ARHGAP20: variants seen among roughly 807,000 people sequenced by gnomAD.
The protein encoded by ARHGAP20 is rho GTPase-activating protein 20.
In ARHGAP20, 34 loss-of-function variants were observed where a neutral mutation model predicts 73.7. That is an observed-to-expected ratio of 0.46 (90% CI 0.35 to 0.61). The LOEUF (loss-of-function observed/expected upper bound fraction) is 0.61, where lower values mean the gene tolerates loss of function less well. Ranked by LOEUF, ARHGAP20 falls within the 20% of genes least tolerant of loss-of-function variation. The pLI, the probability that ARHGAP20 is intolerant of heterozygous loss-of-function variation, is 0.00. For synonymous variants in ARHGAP20, 523 were observed against 518.2 expected (o/e 1.01, Z -0.13); for missense variants, 1,314 against 1,420.9 (o/e 0.92, Z 1.21).
At position 110,591,985 on chromosome 11, in the gene ARHGAP20, G is replaced by T; in HGVS notation, c.1135C>A (p.Pro379Thr). 6.2e-7 allele frequency: 1 copy of T among 1,614,036 alleles called. No individual in the cohort carries two copies. The highest frequency in any genetic ancestry group is 1.1e-5 in the South Asian group (1 of 91,066). Residue 379 changes from proline to threonine, a missense_variant, in exon 10 of 15, where the codon CCT becomes ACT. Transcript: ENST00000683387. ...ACCAAAATGAGCCTTACCAAGACAG[G>T]TTTGGGCAGATTGTCATTCTCACAA... ...NICENDNLPK[P>T]VLDMLFFLNQ...
intron 2 of ARHGAP20, among the ~76,000 whole-genome samples, chr11:110,652,772 G>A (rs1005097052): frequency 1.3e-5 from 2 of 151,980 alleles, no homozygotes; most frequent in Non-Finnish European, 2.9e-5. Flanking sequence ...CCATGCTCAT[G>A]GATAGGAAGA....
intron 2 of ARHGAP20, among the ~76,000 whole-genome samples, chr11:110,681,691 A>G (rs1213075919): frequency 6.6e-6 from 1 of 152,190 alleles, no homozygotes; most frequent in Admixed American, 6.5e-5. Context: ...TTCGTAGAAC[A>G]CAATGGGGGA....
At chr11:110,664,652 C>T (rs925347826) in intron 2 of ARHGAP20, among the ~76,000 whole-genome samples, 10 of 148,804 alleles carry the variant, frequency 6.7e-5, no homozygotes, top group Admixed American at 3.4e-4. Flanking sequence ...GGCGTGAACC[C>T]GGGAGGCGGA....
At chr11:110,618,624 A>C (rs540969715) in intron 4 of ARHGAP20, among the ~76,000 whole-genome samples, 23 of 148,416 alleles carry the variant, frequency 1.5e-4, no homozygotes, top group African/African-American at 2.1e-4. Context: ...GCAGTGATAG[A>C]GTATATGCAG....
At chr11:110,685,060 A>T (rs1002552141) in intron 2 of ARHGAP20, among the ~76,000 whole-genome samples, 4 of 152,158 alleles carry the variant, frequency 2.6e-5, no homozygotes, top group African/African-American at 4.8e-5. Flanking sequence ...TCTAAAATTT[A>T]AAAAATGAAG....
At chr11:110,624,128 C>G in intron 4 of ARHGAP20, 34 bp downstream of exon 4, 1 of 1,594,142 alleles carries the variant, frequency 6.3e-7, no homozygotes, top group Non-Finnish European at 8.5e-7. Flanking sequence ...TAGTAGCTAA[C>G]CCAGGTAAAT....
chr11:110,631,927 T>C (rs1948867826), intron 2 of ARHGAP20, among the ~76,000 whole-genome samples: 1 of 152,230 alleles, frequency 6.6e-6, no homozygotes, highest in Admixed American at 6.5e-5. Context: ...TGTTCTAGAA[T>C]TTTATACAAA....
At chr11:110,657,947 GA>G (rs1949507141) in intron 2 of ARHGAP20, among the ~76,000 whole-genome samples, 1 of 144,480 alleles carries the variant, frequency 6.9e-6, no homozygotes, top group Non-Finnish European at 1.5e-5. Context: ...AGGAAGGAAG[GA>G]AGGAAGGAAG....
At chr11:110,711,825 T>C in intron 1 of ARHGAP20, 4 of 1,312,786 alleles carry the variant, frequency 3.0e-6, no homozygotes, top group African/African-American at 1.5e-5. Flanking sequence ...GCGCCTAGAC[T>C]GAGGGAGGAG....
In ARHGAP20 at chr11:110,577,594, TTATA is replaced by T. The variant is rs1269221051; in HGVS notation, c.*1772_*1775del. 3.0e-6 allele frequency: 3 copies of T among 986,494 alleles called. No homozygotes were observed. The African/African-American group carries it at 5.2e-5, about 17-fold the overall frequency. 61.1% of individuals were successfully genotyped at this position (986,494 alleles called of 1,614,324 possible). A position where few individuals can be genotyped will look rare whatever the true frequency, so the allele number is the denominator to read the frequency against. ...AGGGAAAGGGGAGTCCCTGCTGACT[TTATA>T]TATTATACCAAAAAAGATGCATATG... On this transcript the variant is annotated 3_prime_UTR_variant, in exon 15 of 15. Transcript: ENST00000683387.
Position 110,578,715 on chromosome 11 carries a change from A to G in ARHGAP20, c.*655T>C. 1.0e-6 allele frequency: 1 copy of G among 985,418 alleles called. No individual in the cohort carries two copies. The highest frequency in any genetic ancestry group is 1.2e-6 in the Non-Finnish European group (1 of 829,926). The allele number at this position is 985,418 out of a possible 1,614,324, so 61.0% of individuals were successfully genotyped here. ...ATGAAAAAACAAACCGACAAATACA[A>G]CCAACAAAACTGATATCATGGTACC... is the stretch of plus-strand genomic sequence containing the variant. On this transcript the variant is annotated 3_prime_UTR_variant, in exon 15 of 15. Coordinates refer to ENST00000683387, the MANE Select transcript of ARHGAP20 (RefSeq NM_001384657.1).
At chr11:110,697,019 T>C (rs1950349079) in intron 1 of ARHGAP20, among the ~76,000 whole-genome samples, 1 of 151,754 alleles carries the variant, frequency 6.6e-6, no homozygotes, top group African/African-American at 2.4e-5. Context: ...TTGTGAGTAG[T>C]GCTATGATGA....
At chr11:110,686,345 A>G (rs1227212016) in intron 2 of ARHGAP20, among the ~76,000 whole-genome samples, 1 of 152,128 alleles carries the variant, frequency 6.6e-6, no homozygotes, top group Non-Finnish European at 1.5e-5. Context: ...CTATATTTAA[A>G]TGAGAATTTA....
intron 2 of ARHGAP20, among the ~76,000 whole-genome samples, chr11:110,681,406 C>A (rs1193200530): frequency 6.6e-6 from 1 of 152,106 alleles, no homozygotes; most frequent in African/African-American, 2.4e-5. Context: ...GTTATTACAA[C>A]TACCTTAGAG....
intron 2 of ARHGAP20, among the ~76,000 whole-genome samples, chr11:110,643,484 A>T (rs1449769784): frequency 1.3e-5 from 2 of 152,008 alleles, no homozygotes; most frequent in South Asian, 2.1e-4. Context: ...CATTAATTTC[A>T]AATACTTTTT....
chr11:110,709,713 AAT>A (rs1400955765), intron 1 of ARHGAP20, among the ~76,000 whole-genome samples: 1 of 152,222 alleles, frequency 6.6e-6, no homozygotes, highest in Non-Finnish European at 1.5e-5. Context: ...GTGGTTGGAG[AAT>A]ACACAAACAA....
intron 4 of ARHGAP20, among the ~76,000 whole-genome samples, chr11:110,615,931 T>C (rs900178803): frequency 5.3e-5 from 8 of 152,186 alleles, no homozygotes; most frequent in Non-Finnish European, 8.8e-5. Flanking sequence ...AATCTAACAC[T>C]TGATTTCAAA....
At chr11:110,709,577 C>T (rs759818978) in intron 1 of ARHGAP20, among the ~76,000 whole-genome samples, 7 of 152,168 alleles carry the variant, frequency 4.6e-5, no homozygotes, top group East Asian at 1.9e-4. Context: ...CTAGAACCTA[C>T]GATCTGACAA....
In ARHGAP20 at chr11:110,665,737, T is replaced by C. The variant is rs117277421; in HGVS notation, c.188+24810A>G. Among the ~76,000 whole-genome samples the C allele has an allele frequency of 3.9e-3, 598 of 152,210 alleles. 3 individuals carry two copies. Among genetic ancestry groups the C allele is most frequent in the Non-Finnish European group, 5.9e-3 (398 of 68,010 alleles). ...TTTTATCTGAGAACTGATCAGTGCA[T>C]GTATGCGAGGAAATTACCTGAGGCT... On this transcript the variant is annotated intron_variant, in intron 2 of 14. Transcript: ENST00000683387.
Sources: gnomAD v4.1 joint callset for allele counts (sites outside exome capture counted in the v4.1 genomes callset) on GRCh38, gnomAD v4.1.1 for gene constraint, MANE v1.5 for transcripts, NCBI Gene and HGNC (gene_info 2026-07-23, HGNC 2026-07-21) for gene names.